Variants in SGSM1 observed in about 807,000 individuals in gnomAD.
SGSM1 encodes the protein small G protein signaling modulator 1, also known as RUN and TBC1 domain containing 2.
A neutral mutation model predicts 133.8 loss-of-function variants in SGSM1; 73 were observed. The ratio of observed to expected loss-of-function variants is 0.55; its 90% confidence interval spans 0.45 to 0.66. The LOEUF (loss-of-function observed/expected upper bound fraction) is 0.66. Among genes scored for constraint, SGSM1 ranks in the 30% least tolerant of loss-of-function variants. The probability of loss-of-function intolerance (pLI) is 0.00; values close to 1 mark genes in which losing one functional copy is unlikely to be tolerated. For synonymous variants in SGSM1, 563 were observed against 573.0 expected, an observed-to-expected ratio of 0.98 and a Z score of 0.25; for missense variants, 1,213 against 1,448.1, an observed-to-expected ratio of 0.84 and a Z score of 2.64.
intron 4 of SGSM1, among the ~76,000 whole-genome samples, chr22:24,849,248 A>T (rs114102771): frequency 0.015 from 1,190 of 81,220 alleles, 17 homozygotes; most frequent in African/African-American, 0.051. Context: ...GTATTTTATT[A>T]AAAAAAAAAA....
chr22:24,834,306 C>T (rs571043317), intron 2 of SGSM1, among the ~76,000 whole-genome samples: 10 of 152,236 alleles, frequency 6.6e-5, no homozygotes, highest in Non-Finnish European at 1.2e-4. Context: ...GCTGGAGCTG[C>T]GAAGTAGACC....
chr22:24,878,377 C>A (rs1932141144), intron 13 of SGSM1, among the ~76,000 whole-genome samples: 1 of 152,190 alleles, frequency 6.6e-6, no homozygotes, highest in East Asian at 1.9e-4. Flanking sequence ...AAAGCGAAGT[C>A]TACAGCGGGA....
At chr22:24,882,379 A>T (rs1312453095) in intron 14 of SGSM1, among the ~76,000 whole-genome samples, 2 of 151,916 alleles carry the variant, frequency 1.3e-5, no homozygotes, top group African/African-American at 4.8e-5. Flanking sequence ...CCTGTTTTTT[A>T]TTTATTTTTT....
At chr22:24,883,922 T>C in intron 14 of SGSM1, 131 bp from the exon 15 acceptor site, 1 of 1,077,950 alleles carries the variant, frequency 9.3e-7, no homozygotes, top group South Asian at 2.0e-5. Flanking sequence ...TAATAAATAA[T>C]AGAGCAAGAC....
intron 3 of SGSM1, among the ~76,000 whole-genome samples, chr22:24,845,554 T>C (rs973487753): frequency 2.0e-5 from 3 of 152,220 alleles, no homozygotes; most frequent in Admixed American, 1.3e-4. Context: ...AGTGTGTACA[T>C]AGAAGTGGGA....
At position 24,861,342 on chromosome 22, in the gene SGSM1, ACT is replaced by A. The variant is rs1470528351; in HGVS notation, c.926+1505_926+1506del. Among the ~76,000 whole-genome samples, 3 of 131,752 alleles carry A rather than the reference ACT, an allele frequency of 2.3e-5. No individual in the cohort carries two copies. In the East Asian group the frequency reaches 7.0e-4, roughly 31 times the overall value. The allele number at this position is 131,752 out of a possible 152,430, so 86.4% of individuals were successfully genotyped here. On this transcript the variant is annotated intron_variant, in intron 9 of 24. Coordinates refer to ENST00000400358, the MANE Select transcript of SGSM1 (RefSeq NM_001098497.3). Reference sequence around the variant, plus strand: ...ACTCCAGCCTGGATGACAGGGCGAGACTCTGTCTCAAAAAAAAAAAAAAAAAA... The same window carrying A: ...ACTCCAGCCTGGATGACAGGGCGAGACTGTCTCAAAAAAAAAAAAAAAAAA...
chr22:24,890,114 G>A (rs527857141), intron 16 of SGSM1, among the ~76,000 whole-genome samples: 2 of 152,054 alleles, frequency 1.3e-5, no homozygotes, highest in African/African-American at 2.4e-5. Flanking sequence ...CTGCCACCAC[G>A]CCTGGCTAAT....
At position 24,919,893 on chromosome 22, in the gene SGSM1, G is replaced by T. The variant is rs779197204; in HGVS notation, c.3093G>T (p.Ala1031=). 1 of 1,614,032 alleles carries T rather than the reference G, an allele frequency of 6.2e-7. No homozygotes were observed. The highest frequency in any genetic ancestry group is 1.1e-5 in the South Asian group (1 of 91,080). Residue 1031 remains alanine, a synonymous_variant, in exon 24 of 25, where the codon GCG becomes GCT. Coordinates refer to ENST00000400358, the MANE Select transcript of SGSM1 (RefSeq NM_001098497.3). The part of the protein sequence containing the change: ...TIWAAKHVSS[A]HYVLFIALAL... Reference sequence around the variant, plus strand: ...GGGCAGCCAAACACGTCTCCTCTGCGCACTACGTCCTGTTCATTGCGCTGG... The same window carrying T: ...GGGCAGCCAAACACGTCTCCTCTGCTCACTACGTCCTGTTCATTGCGCTGG...
rs185626330 is a variant in SGSM1 at position 24,888,396 on chromosome 22, G to A, written c.1770+1668G>A. On this transcript the variant is annotated intron_variant, in intron 16 of 24. Coordinates refer to ENST00000400358, the MANE Select transcript of SGSM1 (RefSeq NM_001098497.3). ...TCATTTAGGTCAAAGTTCATTTTTC[G>A]TTTTTTGGTGTTCAATTGCTCCAGC... 2.0e-3 allele frequency among the ~76,000 whole-genome samples: 298 copies of A among 151,550 alleles called. 1 individual carries two copies. Among genetic ancestry groups the A allele is most frequent in the African/African-American group, 5.9e-3 (244 of 41,302 alleles).
In SGSM1 at chr22:24,876,661, G is replaced by C. The variant is rs778450366; in HGVS notation, c.1376G>C (p.Cys459Ser). ...PSPRKSSCSS[C>S]SQSGSADGSS... ...CCCCGGAAGTCCTCCTGTTCATCCT[G>C]TTCACAGAGTGGCTCGGCTGATGGT... The change falls in exon 13 of 25, where the codon TGT becomes TCT. Residue 459 changes from cysteine to serine, a missense_variant. Physicochemically the swap from Cys to Ser is moderately radical, Grantham distance 112. Transcript: ENST00000400358. 5.6e-6 allele frequency: 9 copies of C among 1,613,996 alleles called. No homozygotes were observed. The highest frequency in any genetic ancestry group is 7.6e-6 in the Non-Finnish European group (9 of 1,179,888).
chr22:24,807,467 A>T (rs1927473216), intron 2 of SGSM1, among the ~76,000 whole-genome samples: 1 of 151,448 alleles, frequency 6.6e-6, no homozygotes, highest in Non-Finnish European at 1.5e-5. Context: ...TGATGCTGTG[A>T]GTGTGTGTGT....
intron 5 of SGSM1, among the ~76,000 whole-genome samples, chr22:24,854,523 C>T (rs1601924604): frequency 6.6e-6 from 1 of 152,200 alleles, no homozygotes; most frequent in African/African-American, 2.4e-5. Context: ...AAAGTCCTTC[C>T]AGCAGGCTGG....
intron 2 of SGSM1, among the ~76,000 whole-genome samples, chr22:24,821,593 TCC>T (rs2147794730): frequency 6.6e-6 from 1 of 152,214 alleles, no homozygotes; most frequent in South Asian, 2.1e-4. Context: ...AGCTCCAAAG[TCC>T]ATTGCAAGTC....
At position 24,914,397 on chromosome 22, in the gene SGSM1, AC is replaced by A. The variant is rs1282472605; in HGVS notation, c.2928+1648del. Among the ~76,000 whole-genome samples the A allele has an allele frequency of 9.9e-5, 15 of 151,874 alleles. No individual in the cohort carries two copies. The East Asian group carries it at 2.7e-3, about 27-fold the overall frequency. On this transcript the variant is annotated intron_variant, in intron 22 of 24. Transcript: ENST00000400358. ...AGGCTGAGGTAGGAGAATTGCTTGA[AC>A]CCGGTAGGTGGAGATTGCAATGAGC...
In SGSM1 at chr22:24,881,192, CAAAA is replaced by C. The variant is rs757336427; in HGVS notation, c.1495+1683_1495+1686del. Among the ~76,000 whole-genome samples, 464 of 54,382 alleles carry C rather than the reference CAAAA, an allele frequency of 8.5e-3. 41 individuals are homozygous for C. Among genetic ancestry groups the C allele is most frequent in the African/African-American group, 0.025 (451 of 17,964 alleles). The allele number at this position is 54,382 out of a possible 152,430, so 35.7% of individuals were successfully genotyped here. ...TGGGTGACAAAGCAAGACTCCGTCT[CAAAA>C]AAAAAAAAAAAAAAAAGATGGAGAT... On this transcript the variant is annotated intron_variant, in intron 14 of 24. Coordinates refer to ENST00000400358, the MANE Select transcript of SGSM1 (RefSeq NM_001098497.3).
chr22:24,894,431 C>T lies in SGSM1; in HGVS notation c.1954-792C>T, dbSNP rs1569167264. 1.3e-5 allele frequency among the ~76,000 whole-genome samples: 2 copies of T among 152,170 alleles called. 1 individual carries two copies. Among genetic ancestry groups the T allele is most frequent in the East Asian group, 3.8e-4 (2 of 5,206 alleles). On this transcript the variant is annotated intron_variant, in intron 17 of 24. Coordinates refer to ENST00000400358, the MANE Select transcript of SGSM1 (RefSeq NM_001098497.3). ...TTTCTTCAGCAGTGATGATATCAGT[C>T]ATCAATTGCCACAATAACAGTGTGT...
At chr22:24,819,418 A>C (rs908776828) in intron 2 of SGSM1, among the ~76,000 whole-genome samples, 2 of 152,262 alleles carry the variant, frequency 1.3e-5, no homozygotes, top group East Asian at 3.8e-4. Context: ...ATCCTGTTCC[A>C]GACAGTATGC....
chr22:24,905,222 G>T (rs776330730), intron 21 of SGSM1, 35 bp downstream of exon 21: 1 of 1,593,648 alleles, frequency 6.3e-7, no homozygotes, highest in Non-Finnish European at 8.6e-7. Flanking sequence ...GGCTGAGGGT[G>T]CATTTCCTTT....
chr22:24,903,480 T>C (rs1933240430), intron 20 of SGSM1, among the ~76,000 whole-genome samples: 1 of 152,126 alleles, frequency 6.6e-6, no homozygotes, highest in Non-Finnish European at 1.5e-5. Flanking sequence ...AGTGCTAGGA[T>C]TACAGTCATG....
Sources: gnomAD v4.1 joint callset for allele counts (sites outside exome capture counted in the v4.1 genomes callset) on GRCh38, gnomAD v4.1.1 for gene constraint, MANE v1.5 for transcripts, NCBI Gene and HGNC (gene_info 2026-07-23, HGNC 2026-07-21) for gene names.